Variants in MORF4L1 observed in about 807,000 individuals in gnomAD.
MORF4L1 encodes the protein mortality factor 4 like 1.
In MORF4L1, 4 loss-of-function variants were observed where a neutral mutation model predicts 52.9. The ratio of observed to expected loss-of-function variants is 0.08; its 90% CI spans 0.04 to 0.17. The LOEUF is 0.17. Among genes scored for constraint, MORF4L1 ranks in the 10% least tolerant of loss-of-function variants. MORF4L1 has a pLI of 1.00. For missense variants in MORF4L1, 214 were observed against 390.4 expected, an observed-to-expected ratio of 0.55 and a Z score of 3.81; for synonymous variants, 123 against 134.8, an observed-to-expected ratio of 0.91 and a Z score of 0.61.
At chr15:78,886,968 A>T (rs1200075076) in intron 4 of MORF4L1, among the ~76,000 whole-genome samples, 1 of 152,052 alleles carries the variant, frequency 6.6e-6, no homozygotes, top group East Asian at 1.9e-4. Context: ...AAAAAAAAAA[A>T]AAAGAATTAA....
intron 4 of MORF4L1, among the ~76,000 whole-genome samples, 173 bp from the exon 5 acceptor site, chr15:78,887,096 C>T (rs1032419200): frequency 5.9e-5 from 9 of 152,016 alleles, no homozygotes; most frequent in African/African-American, 2.2e-4. Flanking sequence ...TTTAATTGAG[C>T]CTTTTGCTGT....
intron 11 of MORF4L1, 109 bp downstream of exon 11, chr15:78,895,013 G>A: frequency 1.2e-6 from 1 of 868,154 alleles, no homozygotes; most frequent in East Asian, 2.6e-5. Flanking sequence ...TACAGGCATA[G>A]ATAGTTGGTA....
At chr15:78,896,491 G>C in intron 11 of MORF4L1, among the ~76,000 whole-genome samples, 1 of 151,588 alleles carries the variant, frequency 6.6e-6, no homozygotes, top group East Asian at 1.9e-4. Context: ...TGTGTCTTTA[G>C]TAGAGACGGG....
chr15:78,886,138 C>T lies in MORF4L1; in HGVS notation c.156-3C>T. The stretch of plus-strand genomic sequence containing the variant: ...GTTAAATTTTAACTTTCCTCTTTTT[C>T]AGTTGGGATGAATGGGTTCCGGAGA... On this transcript the variant is annotated splice_polypyrimidine_tract_variant and splice_region_variant and intron_variant, in intron 3 of 11. Coordinates refer to ENST00000426013, the MANE Select transcript of MORF4L1 (RefSeq NM_006791.4). The T allele has an allele frequency of 6.2e-7, 1 of 1,611,576 alleles. No individual in the cohort carries two copies. The highest frequency in any genetic ancestry group is 8.5e-7 in the Non-Finnish European group (1 of 1,177,966).
At chr15:78,893,731 A>C (rs2056838932) in intron 9 of MORF4L1, 104 bp downstream of exon 9, 3 of 767,660 alleles carry the variant, frequency 3.9e-6, no homozygotes, top group East Asian at 5.4e-5. Context: ...ATACCACCAG[A>C]AACTAGCAAA....
intron 5 of MORF4L1, among the ~76,000 whole-genome samples, chr15:78,888,214 A>G (rs1324501091): frequency 1.3e-5 from 2 of 152,114 alleles, no homozygotes; most frequent in Non-Finnish European, 2.9e-5. Flanking sequence ...TAATCCCCCT[A>G]CTTTGTTTGG....
chr15:78,885,183 AATC>A (rs950136922), intron 3 of MORF4L1: 3 of 919,376 alleles, frequency 3.3e-6, no homozygotes, highest in Non-Finnish European at 4.8e-6. Context: ...AGAGGTGGGA[AATC>A]ATTAAACAAA....
intron 2 of MORF4L1, among the ~76,000 whole-genome samples, chr15:78,879,505 C>T (rs146852384): frequency 1.5e-3 from 224 of 152,268 alleles, no homozygotes; most frequent in African/African-American, 5.2e-3. Context: ...GAGGTGTGAG[C>T]CATTGCCCCT....
At chr15:78,885,053 C>G (rs763956925) in intron 3 of MORF4L1, 5 of 1,613,726 alleles carry the variant, frequency 3.1e-6, no homozygotes, top group African/African-American at 2.7e-5. Flanking sequence ...GAAGGAGCTC[C>G]CTCAGTACAC....
At chr15:78,877,840 C>G (rs1475819858) in intron 1 of MORF4L1, 1 of 165,916 alleles carries the variant, frequency 6.0e-6, no homozygotes, top group African/African-American at 2.4e-5. Flanking sequence ...TAAAGGTCCT[C>G]AACTTAGAAA....
In MORF4L1 at chr15:78,873,014, A is replaced by G. The variant is rs776772048; in HGVS notation, c.-4A>G. 4 of 1,551,888 alleles carry G rather than the reference A, an allele frequency of 2.6e-6. No homozygotes were observed. Among genetic ancestry groups the G allele is most frequent in the South Asian group, 2.4e-5 (2 of 84,142 alleles). ...AGAAGGAGGAGGCGGCGAATCACTTATAAATGGCGCCGAAGCAGGACCCGA... is the reference window on the plus strand; with the variant it reads ...AGAAGGAGGAGGCGGCGAATCACTTGTAAATGGCGCCGAAGCAGGACCCGA... On this transcript the variant is annotated 5_prime_UTR_variant, in exon 1 of 12. Transcript: ENST00000426013.
At position 78,892,764 on chromosome 15, in the gene MORF4L1, A is replaced by G. The variant is rs75318686; in HGVS notation, c.540+451A>G. On this transcript the variant is annotated intron_variant, in intron 8 of 11. Coordinates refer to ENST00000426013, the MANE Select transcript of MORF4L1 (RefSeq NM_006791.4). ...GTTTAATGGAGTGACATGTTTGTCA[A>G]TCGTTGAACTCTATAATTGAGAATT... The G allele has an allele frequency of 2.1e-3, 324 of 154,624 alleles. 2 individuals are homozygous for G. Among genetic ancestry groups the G allele is most frequent in the African/African-American group, 7.0e-3 (292 of 41,598 alleles). The allele number at this position is 154,624 out of a possible 1,614,324, so 9.6% of individuals were successfully genotyped here. A position where few individuals can be genotyped will look rare whatever the true frequency, so the allele number is the denominator to read the frequency against.
chr15:78,891,339 G>A lies in MORF4L1; in HGVS notation c.350-145G>A, dbSNP rs554754535. 366 of 690,722 alleles carry A rather than the reference G, an allele frequency of 5.3e-4. 6 individuals are homozygous for A. The South Asian group carries it at 5.7e-3, about 11-fold the overall frequency. 42.8% of individuals were successfully genotyped at this position (690,722 alleles called of 1,614,324 possible). The stretch of plus-strand genomic sequence containing the variant: ...GCTCTTCATGAAAGTTGTATTTTTG[G>A]TAGGAATATGATTCTTTAACTTAGA... On this transcript the variant is annotated intron_variant, in intron 6 of 11. Transcript: ENST00000426013.
intron 6 of MORF4L1, 43 bp from the exon 7 acceptor site, chr15:78,891,441 G>A (rs747722718): frequency 3.4e-6 from 5 of 1,455,370 alleles, no homozygotes; most frequent in South Asian, 1.1e-5. Flanking sequence ...TATAGAGTTT[G>A]TTAAATTAGC....
intron 3 of MORF4L1, among the ~76,000 whole-genome samples, chr15:78,884,627 G>A (rs1376267790): frequency 3.3e-5 from 4 of 122,994 alleles, no homozygotes; most frequent in Admixed American, 9.7e-5. Flanking sequence ...CAACGAGAGC[G>A]CAACTCTGTC....
chr15:78,879,817 C>T (rs2056568309), intron 2 of MORF4L1, among the ~76,000 whole-genome samples: 1 of 152,000 alleles, frequency 6.6e-6, no homozygotes, highest in Non-Finnish European at 1.5e-5. Context: ...GTTTTTATCC[C>T]TGAATGTTGT....
intron 5 of MORF4L1, among the ~76,000 whole-genome samples, chr15:78,887,625 A>G (rs1347599924): frequency 2.0e-5 from 3 of 152,234 alleles, no homozygotes; most frequent in African/African-American, 7.2e-5. Flanking sequence ...GTTTTGAGAT[A>G]ACTTTTGGCA....
chr15:78,895,177 T>C (rs571593136), intron 11 of MORF4L1, among the ~76,000 whole-genome samples: 87 of 152,324 alleles, frequency 5.7e-4, no homozygotes, highest in African/African-American at 2.1e-3. Flanking sequence ...GCCACACTTG[T>C]CATGTACCAA....
chr15:78,876,100 G>T (rs574720714), intron 1 of MORF4L1, among the ~76,000 whole-genome samples: 1 of 151,846 alleles, frequency 6.6e-6, no homozygotes, highest in East Asian at 2.0e-4. Flanking sequence ...ACCACGCCCA[G>T]CTAATTTTTG....
Sources: gnomAD v4.1 joint callset for allele counts (sites outside exome capture counted in the v4.1 genomes callset) on GRCh38, gnomAD v4.1.1 for gene constraint, MANE v1.5 for transcripts, NCBI Gene and HGNC (gene_info 2026-07-23, HGNC 2026-07-21) for gene names.